Variants in CDK17 observed in about 807,000 individuals in gnomAD.
CDK17 encodes the protein cyclin dependent kinase 17.
A neutral mutation model predicts 77.6 loss-of-function variants in CDK17; 24 were observed. That is an observed-to-expected ratio of 0.31 (90% confidence interval 0.22 to 0.44). The LOEUF is 0.44. Ranked by LOEUF, CDK17 falls within the 20% of genes least tolerant of loss-of-function variation. The probability of loss-of-function intolerance (pLI) is 1.00; values close to 1 mark genes in which losing one functional copy is unlikely to be tolerated. For missense variants in CDK17, 429 were observed against 622.5 expected (o/e 0.69, Z 3.31); for synonymous variants, 203 against 210.4 (o/e 0.96, Z 0.30).
chr12:96,300,136 T>C (rs535155976), intron 6 of CDK17, among the ~76,000 whole-genome samples, 168 bp downstream of exon 6: 4 of 152,326 alleles, frequency 2.6e-5, no homozygotes, highest in African/African-American at 9.6e-5. Flanking sequence ...ATTTCAAGAA[T>C]TGAAGACTCT....
At chr12:96,317,208 C>T (rs11108466) in intron 3 of CDK17, among the ~76,000 whole-genome samples, 10,252 of 146,706 alleles carry the variant, frequency 0.07, 520 homozygotes, top group South Asian at 0.18. Flanking sequence ...AGGGTATCAG[C>T]GATCGAAGAT....
chr12:96,373,262 G>A (rs1327067115), intron 1 of CDK17, among the ~76,000 whole-genome samples: 1 of 152,128 alleles, frequency 6.6e-6, no homozygotes, highest in African/African-American at 2.4e-5. Context: ...GTATGACACT[G>A]AGAAAACTGC....
chr12:96,384,577 TAAA>T (rs1210745177), intron 1 of CDK17, among the ~76,000 whole-genome samples: 1 of 152,032 alleles, frequency 6.6e-6, no homozygotes, highest in South Asian at 2.1e-4. Flanking sequence ...TGTATAGCCA[TAAA>T]AAAAGAATGA....
At chr12:96,370,741 T>A (rs1953677282) in intron 1 of CDK17, among the ~76,000 whole-genome samples, 1 of 152,250 alleles carries the variant, frequency 6.6e-6, no homozygotes, top group African/African-American at 2.4e-5. Context: ...TCTATTTAGC[T>A]TGAAATTAAA....
intron 1 of CDK17, among the ~76,000 whole-genome samples, chr12:96,395,206 G>C (rs530420234): frequency 6.6e-6 from 1 of 152,236 alleles, no homozygotes; most frequent in African/African-American, 2.4e-5. Context: ...TTAGCATCTT[G>C]ATTTTTAATT....
rs1336704230 is a variant in CDK17, at chr12:96,318,977, C to CA, written c.283+4970dup. On this transcript the variant is annotated intron_variant, in intron 3 of 16. Transcript: ENST00000261211. ...AGCAGAACTGAAGGAAATAGAGACA[C>CA]AAAAAACCCTTCAAAAATCAATGAA... is the stretch of plus-strand genomic sequence containing the variant. Among the ~76,000 whole-genome samples, 3 of 146,806 alleles carry CA rather than the reference C, an allele frequency of 2.0e-5. No homozygotes were observed. In the Admixed American group the frequency reaches 2.1e-4, roughly 10 times the overall value.
chr12:96,397,997 T>C (rs1434836926), intron 1 of CDK17, among the ~76,000 whole-genome samples: 1 of 152,188 alleles, frequency 6.6e-6, no homozygotes, highest in African/African-American at 2.4e-5. Flanking sequence ...GATATCAACA[T>C]TAATGTCTCT....
intron 1 of CDK17, among the ~76,000 whole-genome samples, chr12:96,371,996 TGA>T (rs1953701132): frequency 3.7e-5 from 2 of 54,020 alleles, no homozygotes; most frequent in Non-Finnish European, 7.9e-5. Context: ...AGACAGTGTG[TGA>T]GTGAGTGTGT....
intron 16 of CDK17, 140 bp downstream of exon 16, chr12:96,280,668 A>G: frequency 6.9e-7 from 1 of 1,447,168 alleles, no homozygotes; most frequent in East Asian, 2.5e-5. Context: ...AGTACGTGCA[A>G]TGCTAAACAT....
intron 1 of CDK17, among the ~76,000 whole-genome samples, chr12:96,380,258 A>T (rs1169407835): frequency 6.7e-6 from 1 of 149,650 alleles, no homozygotes; most frequent in Admixed American, 6.7e-5. Context: ...TACCCAAAAA[A>T]GGCACAAGTA....
chr12:96,381,352 C>G (rs1348887165), intron 1 of CDK17, among the ~76,000 whole-genome samples: 1 of 114,402 alleles, frequency 8.7e-6, no homozygotes, highest in Non-Finnish European at 1.8e-5. Context: ...ATGTACAAAA[C>G]CATTTTTTCC....
chr12:96,349,905 A>G (rs1230045110), intron 1 of CDK17, among the ~76,000 whole-genome samples: 1 of 152,224 alleles, frequency 6.6e-6, no homozygotes, highest in African/African-American at 2.4e-5. Context: ...CATTAGAGCT[A>G]ATAAACTAAT....
intron 1 of CDK17, among the ~76,000 whole-genome samples, chr12:96,359,590 A>C (rs916753104): frequency 2.0e-5 from 3 of 152,250 alleles, no homozygotes; most frequent in African/African-American, 7.2e-5. Context: ...AATTTCAAGT[A>C]GGTAGCAATT....
chr12:96,311,729 C>T (rs1399069408), intron 4 of CDK17, among the ~76,000 whole-genome samples: 7 of 150,968 alleles, frequency 4.6e-5, no homozygotes, highest in Non-Finnish European at 1.0e-4. Context: ...AACCATGAAA[C>T]GGAATGGAGA....
At chr12:96,294,920 C>A in intron 10 of CDK17, 79 bp downstream of exon 10, 1 of 1,224,386 alleles carries the variant, frequency 8.2e-7, no homozygotes, top group Non-Finnish European at 1.1e-6. Flanking sequence ...AGCAATGGCA[C>A]ATTATGACAG....
At chr12:96,304,998 G>A (rs1952559529) in intron 5 of CDK17, among the ~76,000 whole-genome samples, 1 of 152,126 alleles carries the variant, frequency 6.6e-6, no homozygotes, top group African/African-American at 2.4e-5. Context: ...AATACAATAA[G>A]ACAAATTTTT....
intron 11 of CDK17, 146 bp from the exon 12 acceptor site, chr12:96,286,907 T>G: frequency 1.7e-6 from 1 of 595,266 alleles, no homozygotes; most frequent in Non-Finnish European, 3.0e-6. Context: ...TCTAACTAAT[T>G]TGTTCGCATT....
At chr12:96,361,602 T>C (rs1385739141) in intron 1 of CDK17, among the ~76,000 whole-genome samples, 1 of 152,222 alleles carries the variant, frequency 6.6e-6, no homozygotes, top group Non-Finnish European at 1.5e-5. Context: ...GCTGTTTGAG[T>C]TTTCTCATGA....
At chr12:96,355,571 A>T (rs1953381623) in intron 1 of CDK17, among the ~76,000 whole-genome samples, 1 of 150,902 alleles carries the variant, frequency 6.6e-6, no homozygotes, top group Admixed American at 6.6e-5. Flanking sequence ...TGTCCACCTA[A>T]TTTTTTCTGT....
Sources: gnomAD v4.1 joint callset for allele counts (sites outside exome capture counted in the v4.1 genomes callset) on GRCh38, gnomAD v4.1.1 for gene constraint, MANE v1.5 for transcripts, NCBI Gene and HGNC (gene_info 2026-07-23, HGNC 2026-07-21) for gene names.